Variants in GABRA3 observed in about 807,000 individuals in gnomAD.
GABRA3 encodes the protein gamma-aminobutyric acid receptor subunit alpha-3.
In GABRA3, 10 loss-of-function variants were observed where a neutral mutation model predicts 30.1. The ratio of observed to expected loss-of-function variants is 0.33; its 90% confidence interval spans 0.20 to 0.56. The LOEUF (loss-of-function observed/expected upper bound fraction) is 0.56, where lower values mean the gene tolerates loss of function less well. Ranked by LOEUF, GABRA3 falls within the 20% of genes least tolerant of loss-of-function variation. GABRA3 has a pLI of 0.89. For missense variants in GABRA3, 233 were observed against 392.0 expected (o/e 0.59, Z 3.42); for synonymous variants, 151 against 146.8 (o/e 1.03, Z -0.21).
At chrX:152,424,615 G>C (rs912700756) in intron 1 of GABRA3, among the ~76,000 whole-genome samples, 4 of 110,902 alleles carry the variant, frequency 3.6e-5, no homozygotes, top group African/African-American at 1.3e-4. Context: ...ACTTAACATT[G>C]TACATCTAAA....
chrX:152,380,925 G>T (rs762064905), intron 1 of GABRA3, among the ~76,000 whole-genome samples: 1 of 111,842 alleles, frequency 8.9e-6, no homozygotes, highest in African/African-American at 3.3e-5. Flanking sequence ...CATGGGGGCA[G>T]ATCCCTCATT....
intron 5 of GABRA3, chrX:152,251,137 GCTTCATCATGCTT>G: frequency 6.0e-6 from 2 of 331,933 alleles, no homozygotes; most frequent in Non-Finnish European, 1.2e-5. Flanking sequence ...GAAACCGATG[GCTTCATCATGCTT>G]CTGTGCTTCT....
At chrX:152,321,458 G>A (rs911224077) in intron 3 of GABRA3, among the ~76,000 whole-genome samples, 1 of 111,636 alleles carries the variant, frequency 9.0e-6, no homozygotes, top group Non-Finnish European at 1.9e-5. Flanking sequence ...CAAAATATGA[G>A]CACCACTGTA....
chrX:152,237,848 C>A (rs1341440568), intron 5 of GABRA3, among the ~76,000 whole-genome samples: 1 of 109,248 alleles, frequency 9.2e-6, no homozygotes, highest in African/African-American at 3.3e-5. Context: ...ATTTTGTATC[C>A]TGAGACTTTG....
chrX:152,348,509 G>T (rs897398277), intron 2 of GABRA3, among the ~76,000 whole-genome samples: 2 of 111,473 alleles, frequency 1.8e-5, no homozygotes, highest in Non-Finnish European at 3.8e-5. Flanking sequence ...GCCAAGTTTA[G>T]TCATTTTCCT....
At chrX:152,336,596 T>C (rs1283050739) in intron 3 of GABRA3, among the ~76,000 whole-genome samples, 1 of 111,712 alleles carries the variant, frequency 9.0e-6, no homozygotes, top group African/African-American at 3.3e-5. Flanking sequence ...AGTTTCTTAG[T>C]TCATTCAAAA....
intron 1 of GABRA3, among the ~76,000 whole-genome samples, chrX:152,413,959 GA>G (rs1446034597): frequency 4.6e-5 from 5 of 108,460 alleles, no homozygotes; most frequent in East Asian, 2.9e-4. Context: ...ATCAATATGC[GA>G]AAAAAAAATT....
At chrX:152,237,023 G>T (rs968777304) in intron 5 of GABRA3, among the ~76,000 whole-genome samples, 10 of 108,053 alleles carry the variant, frequency 9.3e-5, no homozygotes, top group Admixed American at 6.0e-4. Context: ...GTCAATTTTG[G>T]CTTTTGTTGC....
chrX:152,171,922 G>A (rs140405768), intron 9 of GABRA3, among the ~76,000 whole-genome samples: 69 of 111,556 alleles, frequency 6.2e-4, no homozygotes, highest in African/African-American at 2.0e-3. Context: ...GTCTTCCTCC[G>A]ATGATACTCC....
At chrX:152,264,383 GT>G in intron 4 of GABRA3, among the ~76,000 whole-genome samples, 1 of 111,786 alleles carries the variant, frequency 8.9e-6, no homozygotes, top group East Asian at 2.8e-4. Context: ...CTTTTTGCTT[GT>G]TTGTTTGTTT....
chrX:152,274,270 T>C (rs1319845989), intron 4 of GABRA3, among the ~76,000 whole-genome samples: 1 of 111,216 alleles, frequency 9.0e-6, no homozygotes, highest in East Asian at 2.8e-4. Flanking sequence ...ATCAGACCAA[T>C]AATTTGTAAG....
intron 4 of GABRA3, among the ~76,000 whole-genome samples, chrX:152,264,945 A>G (rs1225525699): frequency 8.9e-6 from 1 of 111,865 alleles, no homozygotes; most frequent in African/African-American, 3.2e-5. Context: ...GCAATAGGAA[A>G]TAACAATTGT....
At chrX:152,283,355 AG>A in intron 4 of GABRA3, among the ~76,000 whole-genome samples, 1 of 111,641 alleles carries the variant, frequency 9.0e-6, no homozygotes, top group East Asian at 2.8e-4. Context: ...AGGAGTTCAA[AG>A]GAAGTCTAAT....
chrX:152,305,699 A>G (rs1020688636), intron 3 of GABRA3, among the ~76,000 whole-genome samples: 18 of 111,660 alleles, frequency 1.6e-4, no homozygotes, highest in African/African-American at 4.5e-4. Flanking sequence ...TGATGATTAT[A>G]TACCACCACA....
intron 1 of GABRA3, among the ~76,000 whole-genome samples, chrX:152,378,676 T>G (rs911957704): frequency 3.6e-5 from 4 of 111,456 alleles, no homozygotes; most frequent in Non-Finnish European, 5.7e-5. Flanking sequence ...TATCGGCGAT[T>G]TTTTACATGT....
rs184328617 is a variant in GABRA3 at position 152,445,202 on chromosome X, A to C, written c.-27+5944T>G. Among the ~76,000 whole-genome samples the C allele has an allele frequency of 2.7e-5, 3 of 110,280 alleles. No individual in the cohort carries two copies. In the South Asian group the frequency reaches 1.2e-3, roughly 43 times the overall value. ...TATTCAGGAGACATATTTTGTGCAGACATCAATACGTTTAAAATCATGCTT... is the reference window on the plus strand; with the variant it reads ...TATTCAGGAGACATATTTTGTGCAGCCATCAATACGTTTAAAATCATGCTT... On this transcript the variant is annotated intron_variant, in intron 1 of 9. Transcript: ENST00000370314.
chrX:152,277,666 C>T (rs766966344), intron 4 of GABRA3, among the ~76,000 whole-genome samples: 1 of 111,920 alleles, frequency 8.9e-6, no homozygotes, highest in African/African-American at 3.2e-5. Context: ...GTATACGCTC[C>T]AAGGATGACT....
intron 1 of GABRA3, among the ~76,000 whole-genome samples, chrX:152,366,768 A>G (rs974446212): frequency 8.9e-6 from 1 of 112,026 alleles, no homozygotes; most frequent in African/African-American, 3.2e-5. Flanking sequence ...ATCAATTCTT[A>G]ACCATGATAA....
chrX:152,311,947 A>G (rs1252340503), intron 3 of GABRA3, among the ~76,000 whole-genome samples: 2 of 111,652 alleles, frequency 1.8e-5, no homozygotes, highest in East Asian at 5.6e-4. Context: ...CAAGAATGCA[A>G]TCCCATTCAC....
Sources: allele counts gnomAD v4.1 joint callset (sites outside exome capture counted in the v4.1 genomes callset), GRCh38; gene constraint gnomAD v4.1.1; transcripts MANE v1.5; gene names NCBI Gene and HGNC (gene_info 2026-07-23, HGNC 2026-07-21).